Variants in ADCY10 observed in about 807,000 individuals in gnomAD.
The protein encoded by ADCY10 is adenylate cyclase 10, also known as adenylate cyclase type 10.
Under a neutral mutation model 183.3 loss-of-function variants are expected in ADCY10, and 156 were observed. The observed-to-expected ratio is 0.85, with a 90% CI of 0.75 to 0.97. The LOEUF is 0.97. Ranked by LOEUF, ADCY10 falls within the 50% of genes least tolerant of loss-of-function variation. The probability of loss-of-function intolerance (pLI) is 0.00; values close to 1 mark genes in which losing one functional copy is unlikely to be tolerated. For missense variants in ADCY10, 1,745 were observed against 1,934.3 expected, an observed-to-expected ratio of 0.90 and a Z score of 1.84; for synonymous variants, 645 against 670.0, an observed-to-expected ratio of 0.96 and a Z score of 0.58.
chr1:167,858,194 C>A (rs1320503997), intron 16 of ADCY10, among the ~76,000 whole-genome samples: 1 of 152,072 alleles, frequency 6.6e-6, no homozygotes, highest in Non-Finnish European at 1.5e-5. Flanking sequence ...TGTTAAGAGA[C>A]TCTCTGTTCT....
intron 31 of ADCY10, among the ~76,000 whole-genome samples, chr1:167,816,300 C>A (rs1297866883): frequency 6.6e-6 from 1 of 152,084 alleles, no homozygotes; most frequent in Non-Finnish European, 1.5e-5. Flanking sequence ...AATCCCAGCA[C>A]TTTGGGAGGC....
At chr1:167,895,367 C>G (rs1332366664) in intron 7 of ADCY10, among the ~76,000 whole-genome samples, 1 of 152,048 alleles carries the variant, frequency 6.6e-6, no homozygotes, top group East Asian at 1.9e-4. Flanking sequence ...CTTTCCTGAT[C>G]AATGTTTGTA....
chr1:167,824,629 A>G (rs766778304), intron 27 of ADCY10, 22 bp downstream of exon 27: 14 of 1,614,060 alleles, frequency 8.7e-6, no homozygotes, highest in East Asian at 6.7e-5. Flanking sequence ...CTCATGTCCC[A>G]TCTTGCCCAG....
chr1:167,834,083 A>G lies in ADCY10; in HGVS notation c.3310-6T>C. 1 of 1,607,276 alleles carries G rather than the reference A, an allele frequency of 6.2e-7. No individual in the cohort carries two copies. Among genetic ancestry groups the G allele is most frequent in the South Asian group, 1.1e-5 (1 of 90,916 alleles). ...TCATTCAAATACATGTATGCCTGTA[A>G]CCAGCCCAAGGAGTAGAAAAGTGTT... On this transcript the variant is annotated splice_polypyrimidine_tract_variant and splice_region_variant and intron_variant, in intron 23 of 32. Coordinates refer to ENST00000367851, the MANE Select transcript of ADCY10 (RefSeq NM_018417.6).
At chr1:167,858,971 T>C (rs1571323962) in intron 16 of ADCY10, among the ~76,000 whole-genome samples, 1 of 152,122 alleles carries the variant, frequency 6.6e-6, no homozygotes, top group African/African-American at 2.4e-5. Flanking sequence ...GAGGTAAAAA[T>C]AGTAGGACTT....
chr1:167,856,150 A>G lies in ADCY10; in HGVS notation c.2171+15T>C, dbSNP rs753638219. ...TGCAGATGTCGAGAGTTCAGAATAG[A>G]AAGAGGTTACTTACGAGTCCAGTTC... On this transcript the variant is annotated intron_variant, in intron 17 of 32. Transcript: ENST00000367851. 3.7e-6 allele frequency: 6 copies of G among 1,613,916 alleles called. No individual in the cohort carries two copies. The highest frequency in any genetic ancestry group is 1.7e-5 in the Admixed American group (1 of 60,016).
intron 10 of ADCY10, 30 bp downstream of exon 10, chr1:167,880,461 C>A: frequency 6.5e-7 from 1 of 1,530,964 alleles, no homozygotes; most frequent in Non-Finnish European, 9.1e-7. Context: ...GGGTCAGGGA[C>A]CGCTGGGTGG....
In ADCY10 at chr1:167,836,469, T is replaced by C. The variant is rs1056069166; in HGVS notation, c.3149A>G (p.Glu1050Gly). Residue 1050 changes from glutamate to glycine, a missense_variant, in exon 23 of 33, where the codon GAA becomes GGA. Transcript: ENST00000367851. ...HVLTKMKTSD[E>G]DIIPLESCQC... is the part of the protein sequence containing the mutation. The stretch of plus-strand genomic sequence containing the variant: ...GCAAGATTCCAGAGGGATAATGTCT[T>C]CGTCAGATGTCTTCATTTTTGTTAA... 4 of 1,614,206 alleles carry C rather than the reference T, an allele frequency of 2.5e-6. No individual in the cohort carries two copies. Among genetic ancestry groups the C allele is most frequent in the South Asian group, 2.2e-5 (2 of 91,084 alleles).
At chr1:167,826,187 T>C (rs1663274976) in intron 26 of ADCY10, among the ~76,000 whole-genome samples, 1 of 152,138 alleles carries the variant, frequency 6.6e-6, no homozygotes, top group African/African-American at 2.4e-5. Flanking sequence ...ATGTTCCAGA[T>C]AATGCTACCA....
At chr1:167,904,500 A>ACCCC in intron 2 of ADCY10, 1 of 233,582 alleles carries the variant, frequency 4.3e-6, no homozygotes, top group Non-Finnish European at 8.3e-6. Flanking sequence ...AAGGCTCCAG[A>ACCCC]TATTTCTTTC....
chr1:167,834,746 C>T (rs1406069282), intron 23 of ADCY10: 2 of 155,836 alleles, frequency 1.3e-5, no homozygotes, highest in African/African-American at 4.8e-5. Flanking sequence ...ATGAGTTGGC[C>T]ACCAGCCCCA....
intron 22 of ADCY10, chr1:167,837,025 G>T (rs1484033188): frequency 7.5e-6 from 4 of 535,334 alleles, no homozygotes; most frequent in Non-Finnish European, 1.3e-5. Context: ...ACTCCATCTT[G>T]AAAAAATAAA....
rs769006822 is a variant in ADCY10, at chr1:167,880,593, CAG to C, written c.1035_1036del (p.Val347LeufsTer10). ...CTTTTCCCCAGGGAAGCCAAAGACA[CAG>C]AGGAAAGAGCAGCCCTGTGAGGGAG... On this transcript the variant is annotated frameshift_variant, in exon 10 of 33. Transcript: ENST00000367851. LOFTEE classifies it high-confidence loss of function. The C allele has an allele frequency of 1.9e-6, 3 of 1,613,706 alleles. No homozygotes were observed. Among genetic ancestry groups the C allele is most frequent in the Non-Finnish European group, 2.5e-6 (3 of 1,179,670 alleles).
chr1:167,905,307 A>T, intron 1 of ADCY10, 109 bp from the exon 2 acceptor site: 1 of 841,790 alleles, frequency 1.2e-6, no homozygotes, highest in Non-Finnish European at 1.9e-6. Context: ...TATAGTGGTG[A>T]AAATGCCAGA....
chr1:167,849,164 A>G (rs1217314385), intron 18 of ADCY10, among the ~76,000 whole-genome samples: 2 of 152,082 alleles, frequency 1.3e-5, no homozygotes, highest in African/African-American at 4.8e-5. Context: ...GTATTATTAT[A>G]TATATACATA....
At chr1:167,827,989 C>T (rs1330928557) in intron 26 of ADCY10, among the ~76,000 whole-genome samples, 2 of 152,224 alleles carry the variant, frequency 1.3e-5, no homozygotes, top group Non-Finnish European at 2.9e-5. Flanking sequence ...GCTGGGATTA[C>T]AGGCGTGAGC....
chr1:167,898,050 T>C (rs1669131686), intron 6 of ADCY10, among the ~76,000 whole-genome samples: 1 of 142,830 alleles, frequency 7.0e-6, no homozygotes, highest in Admixed American at 7.0e-5. Flanking sequence ...TGTGAGATCA[T>C]GCATACAGTC....
At chr1:167,907,413 C>T (rs1354530740) in intron 1 of ADCY10, among the ~76,000 whole-genome samples, 1 of 152,152 alleles carries the variant, frequency 6.6e-6, no homozygotes, top group Non-Finnish European at 1.5e-5. Context: ...TGGGGTTCTC[C>T]TCTGTTTTTG....
chr1:167,810,113 C>T (rs1571193065), intron 32 of ADCY10, among the ~76,000 whole-genome samples: 1 of 152,122 alleles, frequency 6.6e-6, no homozygotes, highest in African/African-American at 2.4e-5. Context: ...AGTTCACATT[C>T]TCAAGGAGAG....
Sources: gnomAD v4.1 joint callset for allele counts (sites outside exome capture counted in the v4.1 genomes callset) on GRCh38, gnomAD v4.1.1 for gene constraint, MANE v1.5 for transcripts, NCBI Gene and HGNC (gene_info 2026-07-23, HGNC 2026-07-21) for gene names.